The following STAP1 variants were observed in gnomAD, a reference collection of about 807,000 sequenced individuals.
The protein encoded by STAP1 is signal transducing adaptor family member 1.
A neutral mutation model predicts 37.8 loss-of-function variants in STAP1; 30 were observed. The ratio of observed to expected loss-of-function variants is 0.79; its 90% CI spans 0.59 to 1.08. The LOEUF is 1.08. STAP1 is among the 50% of genes least tolerant of loss of function. The pLI, the probability that STAP1 is intolerant of heterozygous loss-of-function variation, is 0.00. For missense variants in STAP1, 357 were observed against 349.4 expected, an observed-to-expected ratio of 1.02 and a Z score of -0.17; for synonymous variants, 130 against 116.0, an observed-to-expected ratio of 1.12 and a Z score of -0.78.
At chr4:67,562,487 C>T (rs1349934738) in intron 1 of STAP1, among the ~76,000 whole-genome samples, 9 of 151,828 alleles carry the variant, frequency 5.9e-5, no homozygotes. Context: ...TTAATTCAGC[C>T]GGGCGTGGTG....
At chr4:67,597,375 G>A (rs1045568187) in intron 8 of STAP1, among the ~76,000 whole-genome samples, 1 of 152,228 alleles carries the variant, frequency 6.6e-6, no homozygotes, top group Non-Finnish European at 1.5e-5. Context: ...TCTAGGGGTA[G>A]AGCCCTAATG....
At chr4:67,571,481 A>G (rs573321261) in intron 2 of STAP1, among the ~76,000 whole-genome samples, 1 of 152,290 alleles carries the variant, frequency 6.6e-6, no homozygotes, top group Admixed American at 6.5e-5. Context: ...GATAGCTTCA[A>G]TTTCTCCCAC....
At chr4:67,597,828 T>C (rs1037047171) in intron 8 of STAP1, among the ~76,000 whole-genome samples, 6 of 152,218 alleles carry the variant, frequency 3.9e-5, no homozygotes, top group African/African-American at 1.4e-4. Context: ...CATTGTATCT[T>C]GGAAGTAACT....
chr4:67,593,379 A>G lies in STAP1; in HGVS notation c.826+23A>G, dbSNP rs199613054. The stretch of plus-strand genomic sequence containing the variant: ...CTGGTATGTTTTTCACTTCATTGCT[A>G]TGTTAAGGGAAACAAAACAAAACAA... On this transcript the variant is annotated intron_variant, in intron 8 of 8. Coordinates refer to ENST00000265404, the MANE Select transcript of STAP1 (RefSeq NM_012108.4). 84 of 1,537,490 alleles carry G rather than the reference A, an allele frequency of 5.5e-5. No homozygotes were observed. In the African/African-American group the frequency reaches 1.1e-3, roughly 20 times the overall value.
At chr4:67,601,862 T>C (rs1205204452) in intron 8 of STAP1, among the ~76,000 whole-genome samples, 1 of 152,162 alleles carries the variant, frequency 6.6e-6, no homozygotes, top group African/African-American at 2.4e-5. Context: ...TCTATAACCT[T>C]TTGTACTTGA....
chr4:67,571,388 C>G (rs912424918), intron 2 of STAP1, among the ~76,000 whole-genome samples: 2 of 152,156 alleles, frequency 1.3e-5, no homozygotes, highest in African/African-American at 4.8e-5. Context: ...TCATTATTTT[C>G]TTTCTGATTC....
At chr4:67,578,956 G>A (rs1727789399) in intron 4 of STAP1, among the ~76,000 whole-genome samples, 1 of 151,706 alleles carries the variant, frequency 6.6e-6, no homozygotes, top group Non-Finnish European at 1.5e-5. Flanking sequence ...AGCCTCCCAA[G>A]TAGCTGGGAT....
At chr4:67,559,038 CATCTT>C (rs1727276699) in intron 1 of STAP1, 109 bp downstream of exon 1, 1 of 1,122,526 alleles carries the variant, frequency 8.9e-7, no homozygotes, top group Middle Eastern at 3.2e-4. Context: ...GAAATTAAAT[CATCTT>C]CTCTTCTTTG....
In STAP1 at chr4:67,581,469, A is replaced by T; in HGVS notation, c.528A>T (p.Pro176=). The stretch of plus-strand genomic sequence containing the variant: ...ATGTGGATGTACTGAACCCTATGCC[A>T]GCGTAAGTGCACAATGAACTGCAGT... ...EDYVDVLNPM[P]ACFYTVSRKE... The change falls in exon 5 of 9, where the codon CCA becomes CCT. Residue 176 remains proline (P), a splice_region_variant and synonymous_variant. Transcript: ENST00000265404. The T allele has an allele frequency of 6.2e-7, 1 of 1,603,892 alleles. No homozygotes were observed. Among genetic ancestry groups the T allele is most frequent in the South Asian group, 1.1e-5 (1 of 88,790 alleles).
chr4:67,594,623 G>A (rs574634410), intron 8 of STAP1, among the ~76,000 whole-genome samples: 6 of 152,152 alleles, frequency 3.9e-5, no homozygotes, highest in Admixed American at 3.9e-4. Flanking sequence ...GAAACAATAC[G>A]ACTTAAAAGG....
intron 5 of STAP1, among the ~76,000 whole-genome samples, chr4:67,583,283 T>G (rs908669349): frequency 1.3e-5 from 2 of 152,196 alleles, no homozygotes; most frequent in Non-Finnish European, 2.9e-5. Flanking sequence ...CATTGTTAAT[T>G]CTTGTTGGTA....
At chr4:67,567,389 A>T (rs1355675660) in intron 1 of STAP1, among the ~76,000 whole-genome samples, 1 of 152,276 alleles carries the variant, frequency 6.6e-6, no homozygotes, top group African/African-American at 2.4e-5. Flanking sequence ...TAGAGTGAAA[A>T]CACAGCAGGG....
chr4:67,590,017 T>C (rs557548413), intron 6 of STAP1, among the ~76,000 whole-genome samples: 1 of 152,288 alleles, frequency 6.6e-6, no homozygotes, highest in Admixed American at 6.5e-5. Flanking sequence ...TTGCCCAGTC[T>C]GGTCTCTAAC....
At chr4:67,561,889 T>C (rs1727346754) in intron 1 of STAP1, among the ~76,000 whole-genome samples, 2 of 151,512 alleles carry the variant, frequency 1.3e-5, no homozygotes, top group Non-Finnish European at 2.9e-5. Flanking sequence ...CTGTTCAACA[T>C]GGCGAAACCC....
At chr4:67,595,356 G>A (rs1290573576) in intron 8 of STAP1, among the ~76,000 whole-genome samples, 1 of 134,482 alleles carries the variant, frequency 7.4e-6, no homozygotes, top group Admixed American at 7.8e-5. Context: ...GGCAACATAG[G>A]GAGACTTCGT....
chr4:67,570,349 A>G (rs1578023108), intron 1 of STAP1, among the ~76,000 whole-genome samples: 1 of 152,176 alleles, frequency 6.6e-6, no homozygotes, highest in East Asian at 1.9e-4. Flanking sequence ...TGAGTCATGC[A>G]TTGTGCTACA....
chr4:67,561,884 C>T (rs1727346606), intron 1 of STAP1, among the ~76,000 whole-genome samples: 1 of 151,632 alleles, frequency 6.6e-6, no homozygotes, highest in African/African-American at 2.4e-5. Context: ...CCAACCTGTT[C>T]AACATGGCGA....
chr4:67,564,541 G>A (rs771409499), intron 1 of STAP1, among the ~76,000 whole-genome samples: 7 of 152,088 alleles, frequency 4.6e-5, no homozygotes, highest in Non-Finnish European at 8.8e-5. Flanking sequence ...TGATTAGGAC[G>A]ATGAACAGAG....
intron 5 of STAP1, among the ~76,000 whole-genome samples, chr4:67,583,298 T>A (rs1727905820): frequency 6.6e-6 from 1 of 152,198 alleles, no homozygotes; most frequent in East Asian, 1.9e-4. Flanking sequence ...TTGGTAATGA[T>A]GATTATATAC....
Sources: gnomAD v4.1 joint callset for allele counts (sites outside exome capture counted in the v4.1 genomes callset) on GRCh38, gnomAD v4.1.1 for gene constraint, MANE v1.5 for transcripts, NCBI Gene and HGNC (gene_info 2026-07-23, HGNC 2026-07-21) for gene names.